The following CEP152 variants were observed in gnomAD, a reference collection of about 807,000 sequenced individuals.
The protein encoded by CEP152 is centrosomal protein of 152 kDa.
CEP152 carries 132 observed loss-of-function variants against 188.9 expected under a neutral mutation model. That is an observed-to-expected ratio of 0.70 (90% confidence interval 0.61 to 0.81). The LOEUF (loss-of-function observed/expected upper bound fraction) is 0.81. Ranked by LOEUF, CEP152 falls within the 30% of genes least tolerant of loss-of-function variation. The pLI, the probability that CEP152 is intolerant of heterozygous loss-of-function variation, is 0.00. For synonymous variants in CEP152, 649 were observed against 666.6 expected, an observed-to-expected ratio of 0.97 and a Z score of 0.41; for missense variants, 1,914 against 1,969.8, an observed-to-expected ratio of 0.97 and a Z score of 0.54.
chr15:48,791,543 C>T (rs751485568), intron 7 of CEP152, among the ~76,000 whole-genome samples, 167 bp from the exon 8 acceptor site: 3 of 152,082 alleles, frequency 2.0e-5, no homozygotes, highest in Non-Finnish European at 2.9e-5. Context: ...AAAGAATTTA[C>T]TTACTTACTT....
chr15:48,765,406 T>A lies in CEP152; in HGVS notation c.2280+1654A>T, dbSNP rs149871312. On this transcript the variant is annotated intron_variant, in intron 17 of 26. Transcript: ENST00000380950. Reference sequence around the variant, plus strand: ...TAAGTTTTGGGATACACGTGAAAAATTTAACCTCTAAGTTTGGTTTTTTTT... The same window carrying A: ...TAAGTTTTGGGATACACGTGAAAAAATTAACCTCTAAGTTTGGTTTTTTTT... Among the ~76,000 whole-genome samples, 26 of 152,196 alleles carry A rather than the reference T, an allele frequency of 1.7e-4. 1 individual carries two copies. The highest frequency in any genetic ancestry group is 5.8e-4 in the African/African-American group (24 of 41,550).
At chr15:48,809,382 G>A (rs892357507) in intron 1 of CEP152, among the ~76,000 whole-genome samples, 2 of 152,126 alleles carry the variant, frequency 1.3e-5, no homozygotes, top group African/African-American at 4.8e-5. Flanking sequence ...CTTAGATAGA[G>A]CCACTGATAT....
rs1595609249 is a variant in CEP152 at position 48,753,197 on chromosome 15, G to A, written c.3346-728C>T. ...TCTATCGGCCAGGCTGAAGGGCATT[G>A]GCGCGATCTCAGCTCACTGCAACCT... On this transcript the variant is annotated intron_variant, in intron 20 of 26. Transcript: ENST00000380950. Among the ~76,000 whole-genome samples the A allele has an allele frequency of 2.0e-5, 3 of 152,272 alleles. No individual in the cohort carries two copies. In the East Asian group the frequency reaches 5.8e-4, roughly 29 times the overall value.
chr15:48,780,851 C>A (rs954741298), intron 12 of CEP152, among the ~76,000 whole-genome samples: 1 of 152,122 alleles, frequency 6.6e-6, no homozygotes, highest in Non-Finnish European at 1.5e-5. Context: ...CTTCTGAAGT[C>A]CTTTAAGTGT....
intron 14 of CEP152, 70 bp from the exon 15 acceptor site, chr15:48,768,398 A>T: frequency 1.2e-6 from 1 of 825,524 alleles, no homozygotes; most frequent in Non-Finnish European, 2.0e-6. Context: ...ATTTTGTCTT[A>T]TTTTTTAATA....
At chr15:48,769,219 A>G in intron 13 of CEP152, 138 bp from the exon 14 acceptor site, 1 of 656,990 alleles carries the variant, frequency 1.5e-6, no homozygotes, top group Non-Finnish European at 2.6e-6. Context: ...CCCCAATATA[A>G]CTACAGCACA....
At chr15:48,777,604 AAT>A (rs914929850) in intron 12 of CEP152, among the ~76,000 whole-genome samples, 41 of 150,742 alleles carry the variant, frequency 2.7e-4, no homozygotes, top group East Asian at 1.4e-3. Context: ...TTGTATATGT[AAT>A]ATATATATAT....
chr15:48,759,335 A>T (rs1894511011), intron 19 of CEP152, among the ~76,000 whole-genome samples: 1 of 152,178 alleles, frequency 6.6e-6, no homozygotes, highest in Non-Finnish European at 1.5e-5. Flanking sequence ...CGTTGGGTAA[A>T]CTTAATTTTT....
intron 2 of CEP152, among the ~76,000 whole-genome samples, chr15:48,801,373 T>A (rs1897658311): frequency 6.6e-6 from 1 of 152,196 alleles, no homozygotes; most frequent in South Asian, 2.1e-4. Flanking sequence ...GATGCTGAGC[T>A]CAATGGAGCT....
chr15:48,769,180 T>A, intron 13 of CEP152, 99 bp from the exon 14 acceptor site: 1 of 927,352 alleles, frequency 1.1e-6, no homozygotes. Context: ...ACAGTACAAA[T>A]AATCTCCATA....
intron 2 of CEP152, among the ~76,000 whole-genome samples, 183 bp from the exon 3 acceptor site, chr15:48,798,234 C>A (rs1285728983): frequency 6.6e-6 from 1 of 150,956 alleles, no homozygotes; most frequent in East Asian, 1.9e-4. Flanking sequence ...AAAGGGAATG[C>A]ATAATTTTAG....
In CEP152 at chr15:48,755,944, G is replaced by A; in HGVS notation, c.3304C>T (p.Leu1102Phe). 2 of 1,614,048 alleles carry A rather than the reference G, an allele frequency of 1.2e-6. No individual in the cohort carries two copies. The highest frequency in any genetic ancestry group is 1.7e-6 in the Non-Finnish European group (2 of 1,179,960). Residue 1102 changes from leucine (L) to phenylalanine (F), a missense_variant, in exon 20 of 27, where the codon CTT becomes TTT. By Grantham distance (22) the Leu-to-Phe change is conservative. Coordinates refer to ENST00000380950, the MANE Select transcript of CEP152 (RefSeq NM_001194998.2). ...GCIQKAFQDT[L>F]PLLVENADPE... is the part of the protein sequence containing the mutation. ...TCAGCGTTTTCTACAAGCAGAGGAA[G>A]TGTATCTTGAAATGCTTTCTGTATG...
At chr15:48,774,484 C>G (rs115194425) in intron 12 of CEP152, among the ~76,000 whole-genome samples, 1 of 152,094 alleles carries the variant, frequency 6.6e-6, no homozygotes, top group Non-Finnish European at 1.5e-5. Flanking sequence ...GAGAAAAGAA[C>G]CAGAGAAAGG....
intron 2 of CEP152, among the ~76,000 whole-genome samples, chr15:48,732,124 G>A (rs747834096): frequency 3.3e-5 from 5 of 152,200 alleles, no homozygotes; most frequent in South Asian, 2.1e-4. Flanking sequence ...AGACAGTATG[G>A]CGATTCCTCA....
chr15:48,749,595 C>T (rs563961969), intron 21 of CEP152, among the ~76,000 whole-genome samples: 5 of 152,120 alleles, frequency 3.3e-5, no homozygotes, highest in South Asian at 2.1e-4. Flanking sequence ...CATATCACCC[C>T]TTGCAGTGCT....
At chr15:48,754,306 TAA>T (rs1894098360) in intron 20 of CEP152, among the ~76,000 whole-genome samples, 1 of 152,100 alleles carries the variant, frequency 6.6e-6, no homozygotes, top group African/African-American at 2.4e-5. Flanking sequence ...ATAAGCCCTG[TAA>T]AAAGACTCCA....
intron 20 of CEP152, among the ~76,000 whole-genome samples, chr15:48,754,783 G>A (rs189538393): frequency 1.1e-4 from 16 of 152,236 alleles, no homozygotes; most frequent in Admixed American, 3.3e-4. Flanking sequence ...GAATTAGGCC[G>A]GGGATTTGTA....
rs1566987747 is a variant in CEP152, at chr15:48,756,436, G to C, written c.2812C>G (p.Leu938Val). 1.2e-6 allele frequency: 2 copies of C among 1,613,670 alleles called. No individual in the cohort carries two copies. The highest frequency in any genetic ancestry group is 1.6e-4 in the Middle Eastern group (1 of 6,062). ...EEKIHSLQKE[L>V]ELKNEEVPVV... Reference sequence around the variant, plus strand: ...GGGACTTCTTCGTTCTTTAACTCAAGTTCCTTCTGAAGAGAATGAATCTTC... The same window carrying C: ...GGGACTTCTTCGTTCTTTAACTCAACTTCCTTCTGAAGAGAATGAATCTTC... The change falls in exon 20 of 27, where the codon CTT (leucine) becomes GTT (valine). Residue 938 changes from leucine to valine, a missense_variant. By Grantham distance (32) the Leu-to-Val change is conservative. Transcript: ENST00000380950.
intron 26 of CEP152, chr15:48,740,375 T>G (rs1384041490): frequency 2.0e-5 from 3 of 152,062 alleles, no homozygotes; most frequent in Admixed American, 2.0e-4. Context: ...AAATAGCAAA[T>G]TTCCACATTT....
Sources: allele counts gnomAD v4.1 joint callset (sites outside exome capture counted in the v4.1 genomes callset), GRCh38; gene constraint gnomAD v4.1.1; transcripts MANE v1.5; gene names NCBI Gene and HGNC (gene_info 2026-07-23, HGNC 2026-07-21).